Variants in STARD13 observed in about 807,000 individuals in gnomAD.
The protein encoded by STARD13 is stAR-related lipid transfer protein 13.
A neutral mutation model predicts 106.4 loss-of-function variants in STARD13; 62 were observed. That is an observed-to-expected ratio of 0.58 (90% confidence interval 0.48 to 0.72). STARD13 has a LOEUF of 0.72. Among genes scored for constraint, STARD13 ranks in the 30% least tolerant of loss-of-function variants. The pLI is 0.00. For missense variants in STARD13, 1,387 were observed against 1,424.0 expected (o/e 0.97, Z 0.42); for synonymous variants, 565 against 553.0 (o/e 1.02, Z -0.31).
At chr13:33,352,625 C>T (rs1221024560), upstream of STARD13, among the ~76,000 whole-genome samples, 1 of 152,212 alleles carries the variant, frequency 6.6e-6, no homozygotes, top group Non-Finnish European at 1.5e-5. Flanking sequence ...TGAGGACTGT[C>T]CAAGAGAAGC....
the STARD13 span, among the ~76,000 whole-genome samples, chr13:33,595,037 G>C: frequency 3.9e-5 from 6 of 152,156 alleles, no homozygotes; most frequent in Non-Finnish European, 8.8e-5. Context: ...GGAATTGCTG[G>C]ATCATATGGT....
intron 1 of STARD13, among the ~76,000 whole-genome samples, chr13:33,215,940 G>T (rs933014123): frequency 6.6e-6 from 1 of 152,050 alleles, no homozygotes; most frequent in Non-Finnish European, 1.5e-5. Context: ...ATATACAAAT[G>T]GCCAACAAAC....
chr13:33,578,530 G>A, the STARD13 span, among the ~76,000 whole-genome samples: 10 of 152,030 alleles, frequency 6.6e-5, no homozygotes, highest in Middle Eastern at 3.4e-3. Flanking sequence ...AATCTAAGAC[G>A]TGAAACCATA....
At chr13:33,178,345 G>A (rs1884913237) in intron 1 of STARD13, among the ~76,000 whole-genome samples, 4 of 152,090 alleles carry the variant, frequency 2.6e-5, no homozygotes, top group Non-Finnish European at 5.9e-5. Flanking sequence ...ATAATCATGG[G>A]TTAAAAATAA....
intron 1 of STARD13, among the ~76,000 whole-genome samples, chr13:33,187,242 G>C (rs569644121): frequency 6.6e-6 from 1 of 152,128 alleles, no homozygotes; most frequent in Non-Finnish European, 1.5e-5. Flanking sequence ...GAGGGGGAAG[G>C]GTCCCGCTCT....
chr13:33,223,407 C>T (rs888744353), intron 1 of STARD13, among the ~76,000 whole-genome samples: 17 of 152,032 alleles, frequency 1.1e-4, no homozygotes, highest in Non-Finnish European at 2.2e-4. Context: ...GCCTGTAATC[C>T]CAGCACTTTG....
At chr13:33,504,839 T>C in the STARD13 span, among the ~76,000 whole-genome samples, 1 of 152,212 alleles carries the variant, frequency 6.6e-6, no homozygotes, top group East Asian at 1.9e-4. Context: ...CACTGTGCAC[T>C]GCCTCATATC....
the STARD13 span, among the ~76,000 whole-genome samples, chr13:33,374,791 C>T: frequency 6.6e-6 from 1 of 152,096 alleles, no homozygotes; most frequent in East Asian, 1.9e-4. Context: ...GTGATTTCTC[C>T]TTGTTAGGCT....
At chr13:33,588,557 G>C in the STARD13 span, among the ~76,000 whole-genome samples, 1 of 152,132 alleles carries the variant, frequency 6.6e-6, no homozygotes, top group South Asian at 2.1e-4. Flanking sequence ...TCTCCTTCAG[G>C]ATAATTAAAA....
the STARD13 span, among the ~76,000 whole-genome samples, chr13:33,419,905 C>A: frequency 5.9e-5 from 9 of 152,300 alleles, no homozygotes; most frequent in African/African-American, 2.2e-4. Context: ...CAAGCAAATG[C>A]TGAGAGATTT....
intron 1 of STARD13, among the ~76,000 whole-genome samples, chr13:33,321,918 T>C (rs1033905863): frequency 6.6e-6 from 1 of 152,218 alleles, no homozygotes; most frequent in Admixed American, 6.5e-5. Flanking sequence ...TTTTGTTACT[T>C]TTTCAGTGTT....
At chr13:33,516,989 T>C in the STARD13 span, among the ~76,000 whole-genome samples, 1 of 151,718 alleles carries the variant, frequency 6.6e-6, no homozygotes. Flanking sequence ...AATATGTCAG[T>C]AATTTTTGTG....
chr13:33,463,258 A>G, the STARD13 span, among the ~76,000 whole-genome samples: 3 of 152,146 alleles, frequency 2.0e-5, no homozygotes, highest in Admixed American at 6.5e-5. Flanking sequence ...GAGCAGGGCT[A>G]CTCCATAGAC....
At chr13:33,355,548 C>T (rs2078116297), upstream of STARD13, 1 of 152,132 alleles carries the variant, frequency 6.6e-6, no homozygotes, top group Non-Finnish European at 1.5e-5. Flanking sequence ...TCCTTTGCTG[C>T]AGGGTAGAAG....
At chr13:33,383,106 A>G in the STARD13 span, among the ~76,000 whole-genome samples, 8 of 152,216 alleles carry the variant, frequency 5.3e-5, no homozygotes, top group Non-Finnish European at 2.9e-5. Context: ...TTCAAAATTT[A>G]TTTAGATTCC....
the STARD13 span, among the ~76,000 whole-genome samples, chr13:33,385,894 A>G: frequency 6.6e-6 from 1 of 151,918 alleles, no homozygotes; most frequent in South Asian, 2.1e-4. Context: ...TTAAATAAAA[A>G]TAAAATTTAA....
rs1270115443 is a variant in STARD13 at position 33,130,251 on chromosome 13, G to A, written c.426C>T (p.Asn142=). The A allele has an allele frequency of 1.9e-6, 3 of 1,605,716 alleles. No individual in the cohort carries two copies. The highest frequency in any genetic ancestry group is 2.7e-5 in the African/African-American group (2 of 75,028). The part of the protein sequence containing the change: ...DSDEEDLCIS[N]KWTFQRTSRR... ...GACTGGTTCTTTGGAAAGTCCATTT[G>A]TTGCTGATACAAAGATCTTCCTCAT... Residue 142 remains asparagine, a synonymous_variant, in exon 5 of 14, where the codon AAC becomes AAT. Transcript: ENST00000336934. This position sits in a 1 kb window ranked among gnomAD's most constrained non-coding sequence, Gnocchi z 4.1.
the STARD13 span, among the ~76,000 whole-genome samples, chr13:33,490,611 C>A: frequency 6.6e-6 from 1 of 152,150 alleles, no homozygotes; most frequent in Admixed American, 6.5e-5. Flanking sequence ...CCTTCCCACT[C>A]CATCCCCCAG....
At chr13:33,139,381 T>C (rs1396186923) in intron 4 of STARD13, among the ~76,000 whole-genome samples, 2 of 152,204 alleles carry the variant, frequency 1.3e-5, no homozygotes, top group African/African-American at 4.8e-5. Flanking sequence ...CAAGGAATAG[T>C]GCCTGGTGGG....
Sources: allele counts gnomAD v4.1 joint callset (sites outside exome capture counted in the v4.1 genomes callset), GRCh38; gene constraint gnomAD v4.1.1; non-coding constraint Gnocchi (gnomAD v3.1); transcripts MANE v1.5; gene names NCBI Gene and HGNC (gene_info 2026-07-23, HGNC 2026-07-21).